The following KPNA4 variants were observed in gnomAD, a reference collection of about 807,000 sequenced individuals.
KPNA4 encodes the protein importin subunit alpha-3.
In KPNA4, 13 loss-of-function variants were observed where a neutral mutation model predicts 71.3. That is an observed-to-expected ratio of 0.18 (90% CI 0.12 to 0.29). The LOEUF (loss-of-function observed/expected upper bound fraction) is 0.29. KPNA4 is among the 10% of genes least tolerant of loss of function. The pLI is 1.00. For missense variants in KPNA4, 334 were observed against 603.2 expected (o/e 0.55, Z 4.67); for synonymous variants, 189 against 195.2 (o/e 0.97, Z 0.26).
chr3:160,534,059 T>C (rs1721631204), intron 5 of KPNA4, among the ~76,000 whole-genome samples: 1 of 152,258 alleles, frequency 6.6e-6, no homozygotes, highest in African/African-American at 2.4e-5. Flanking sequence ...TTACCTCTGG[T>C]ACACAATACT....
intron 16 of KPNA4, 104 bp from the exon 17 acceptor site, chr3:160,502,306 T>C: frequency 4.7e-6 from 2 of 423,642 alleles, no homozygotes; most frequent in Admixed American, 8.0e-5. Flanking sequence ...TCTGGAGAGA[T>C]GATGAATGCC....
At chr3:160,532,610 A>C (rs1381778360) in intron 5 of KPNA4, among the ~76,000 whole-genome samples, 1 of 152,224 alleles carries the variant, frequency 6.6e-6, no homozygotes. Flanking sequence ...GGTTTAGCTG[A>C]TAAGTCCTCA....
chr3:160,515,685 G>C, intron 11 of KPNA4, 105 bp from the exon 12 acceptor site: 1 of 1,275,338 alleles, frequency 7.8e-7, no homozygotes, highest in South Asian at 1.4e-5. Context: ...TGCGATCTCA[G>C]CTCACTGTAA....
intron 16 of KPNA4, among the ~76,000 whole-genome samples, chr3:160,503,204 C>T (rs1436987889): frequency 1.3e-5 from 2 of 152,016 alleles, no homozygotes; most frequent in African/African-American, 2.4e-5. Context: ...TCTAATGCCA[C>T]CACTTTTGGA....
chr3:160,526,442 G>A (rs1241560298), intron 8 of KPNA4, among the ~76,000 whole-genome samples: 2 of 152,160 alleles, frequency 1.3e-5, no homozygotes, highest in East Asian at 3.8e-4. Context: ...TGTTGAATTT[G>A]TACTTATGAT....
chr3:160,561,994 T>C (rs1002432153), intron 1 of KPNA4, among the ~76,000 whole-genome samples: 8 of 152,112 alleles, frequency 5.3e-5, no homozygotes, highest in Admixed American at 3.9e-4. Context: ...ACTAAGCGAT[T>C]TTCCCCAAGG....
chr3:160,519,801 C>CAAAAAAAAA (rs558355699), intron 11 of KPNA4, among the ~76,000 whole-genome samples: 4 of 83,692 alleles, frequency 4.8e-5, no homozygotes, highest in Admixed American at 1.4e-4. Flanking sequence ...GACTCCGTCT[C>CAAAAAAAAA]AAAAAAAAAA....
chr3:160,515,402 C>G (rs1432813456), intron 12 of KPNA4, 50 bp downstream of exon 12: 20 of 1,455,774 alleles, frequency 1.4e-5, no homozygotes, highest in Non-Finnish European at 1.9e-5. Context: ...CAAATAGAAA[C>G]TGTTAACATT....
At chr3:160,554,363 T>C (rs1722095464) in intron 1 of KPNA4, among the ~76,000 whole-genome samples, 1 of 152,112 alleles carries the variant, frequency 6.6e-6, no homozygotes, top group African/African-American at 2.4e-5. Context: ...TAGCAATCAT[T>C]CCCCCTTTTC....
At chr3:160,519,797 G>A (rs1231396824) in intron 11 of KPNA4, among the ~76,000 whole-genome samples, 4 of 71,904 alleles carry the variant, frequency 5.6e-5, no homozygotes, top group Non-Finnish European at 7.5e-5. Context: ...GCGAGACTCC[G>A]TCTCAAAAAA....
intron 10 of KPNA4, among the ~76,000 whole-genome samples, chr3:160,525,488 CAACTTTAAA>C (rs1309258719): frequency 6.6e-6 from 1 of 152,126 alleles, no homozygotes; most frequent in African/African-American, 2.4e-5. Context: ...CACTATCTGG[CAACTTTAAA>C]AACTTTTAAT....
rs183123529 is a variant in KPNA4 at position 160,516,391 on chromosome 3, T to C, written c.904-811A>G. Among the ~76,000 whole-genome samples, 141 of 151,498 alleles carry C rather than the reference T, an allele frequency of 9.3e-4. 3 individuals carry two copies. The highest frequency in any genetic ancestry group is 3.3e-3 in the African/African-American group (134 of 41,170). On this transcript the variant is annotated intron_variant, in intron 11 of 16. Coordinates refer to ENST00000334256, the MANE Select transcript of KPNA4 (RefSeq NM_002268.5). ...GTTCCAGCTCTTACAGAGCTTATAT[T>C]ATTGTAAGAGAGGAGTCAATAAACA...
chr3:160,542,143 C>T (rs1169042609), intron 1 of KPNA4, among the ~76,000 whole-genome samples: 1 of 152,008 alleles, frequency 6.6e-6, no homozygotes, highest in Non-Finnish European at 1.5e-5. Context: ...ATATCAGAAG[C>T]CAGAAATGAA....
At chr3:160,521,488 C>A (rs528023323) in intron 11 of KPNA4, among the ~76,000 whole-genome samples, 1 of 152,238 alleles carries the variant, frequency 6.6e-6, no homozygotes, top group South Asian at 2.1e-4. Context: ...GTGATCCCAA[C>A]CACTCAAGAG....
chr3:160,521,685 T>C, intron 11 of KPNA4, 94 bp downstream of exon 11: 2 of 1,093,086 alleles, frequency 1.8e-6, no homozygotes. Context: ...GCTAAGAATA[T>C]ACTTTAAACT....
At chr3:160,530,135 A>AAG (rs1721544189) in intron 7 of KPNA4, among the ~76,000 whole-genome samples, 1 of 107,908 alleles carries the variant, frequency 9.3e-6, no homozygotes, top group African/African-American at 5.1e-5. Context: ...ACTCCATCTC[A>AAG]AAAAAAAAAA....
chr3:160,527,410 C>T (rs1184955665), intron 8 of KPNA4, among the ~76,000 whole-genome samples: 1 of 152,108 alleles, frequency 6.6e-6, no homozygotes, highest in Non-Finnish European at 1.5e-5. Context: ...ACCAGACTGT[C>T]AAAAGGCTAT....
Position 160,532,215 on chromosome 3 carries a change from G to GA in KPNA4, c.288-659dup. 2.0e-5 allele frequency among the ~76,000 whole-genome samples: 3 copies of GA among 152,178 alleles called. No individual in the cohort carries two copies. In the East Asian group the frequency reaches 5.8e-4, roughly 29 times the overall value. On this transcript the variant is annotated intron_variant, in intron 5 of 16. Coordinates refer to ENST00000334256, the MANE Select transcript of KPNA4 (RefSeq NM_002268.5). ...TTTTGGACATAATTTTGAGTTCAGA[G>GA]AAAAAAATGGGCAGATTTCTTCAAC... is the stretch of plus-strand genomic sequence containing the variant.
chr3:160,544,673 G>C (rs1346096500), intron 1 of KPNA4, among the ~76,000 whole-genome samples: 1 of 152,156 alleles, frequency 6.6e-6, no homozygotes, highest in African/African-American at 2.4e-5. Flanking sequence ...AAAAATTACC[G>C]AAGAAGAGTA....
Sources: gnomAD v4.1 joint callset for allele counts (sites outside exome capture counted in the v4.1 genomes callset) on GRCh38, gnomAD v4.1.1 for gene constraint, MANE v1.5 for transcripts, NCBI Gene and HGNC (gene_info 2026-07-23, HGNC 2026-07-21) for gene names.